CAMTA2: variants seen among roughly 807,000 people sequenced by gnomAD.
The protein encoded by CAMTA2 is calmodulin binding transcription activator 2.
In CAMTA2, 56 loss-of-function variants were observed where a neutral mutation model predicts 135.7. The ratio of observed to expected loss-of-function variants is 0.41; its 90% CI spans 0.33 to 0.52. The LOEUF (loss-of-function observed/expected upper bound fraction) is 0.52, where lower values mean the gene tolerates loss of function less well. Ranked by LOEUF, CAMTA2 falls within the 20% of genes least tolerant of loss-of-function variation. The pLI is 0.16. For missense variants in CAMTA2, 1,358 were observed against 1,553.4 expected, an observed-to-expected ratio of 0.87 and a Z score of 2.11; for synonymous variants, 591 against 604.6, an observed-to-expected ratio of 0.98 and a Z score of 0.33.
Position 4,982,150 on chromosome 17 carries a change from C to T in CAMTA2, c.350G>A (p.Gly117Asp). Residue 117 changes from glycine to aspartate, a missense_variant, in exon 6 of 23, where the codon GGC (glycine) becomes GAC (aspartate). Transcript: ENST00000348066. ...GACGATGGAAGAGTGAACGTAGCAG[C>T]CATAGAGACACTGCCAGGAGACAGG... ...LKVQGMECLY[G>D]CYVHSSIVPT... 6.2e-7 allele frequency: 1 copy of T among 1,610,854 alleles called. No individual in the cohort carries two copies. The highest frequency in any genetic ancestry group is 8.5e-7 in the Non-Finnish European group (1 of 1,178,160).
Position 4,969,726 on chromosome 17 carries a change from C to T in CAMTA2, c.3190-25G>A. The T allele has an allele frequency of 6.2e-7, 1 of 1,613,248 alleles. No homozygotes were observed. The highest frequency in any genetic ancestry group is 8.5e-7 in the Non-Finnish European group (1 of 1,179,584). The stretch of plus-strand genomic sequence containing the variant: ...CCTGAAGGGAGAGAAGTCTCACCAC[C>T]TCATGACCCACATAATGGCATATCT... On this transcript the variant is annotated intron_variant, in intron 18 of 22. Transcript: ENST00000348066. The surrounding 1 kb of genome is among the most constrained non-coding windows in gnomAD (Gnocchi z 5.6).
At chr17:4,984,974 G>A (rs1173220947) in intron 3 of CAMTA2, among the ~76,000 whole-genome samples, 3 of 149,610 alleles carry the variant, frequency 2.0e-5, no homozygotes, top group Non-Finnish European at 1.5e-5. Context: ...CCGAGATCGC[G>A]CCACTGCACT....
chr17:4,972,640 TTC>T, intron 15 of CAMTA2, 104 bp from the exon 16 acceptor site: 3 of 1,439,718 alleles, frequency 2.1e-6, no homozygotes, highest in Non-Finnish European at 2.9e-6. Context: ...CTGTTCTTGC[TTC>T]TGTTATCTCC....
At position 4,980,509 on chromosome 17, in the gene CAMTA2, C is replaced by G. The variant is rs748297403; in HGVS notation, c.813G>C (p.Glu271Asp). The change falls in exon 9 of 23, where the codon GAG becomes GAC. Residue 271 changes from glutamate to aspartate, a missense_variant. Glu to Asp is a conservative substitution (Grantham distance 45, BLOSUM62 2). This residue lies in a region of CAMTA2 where 1,077 missense variants were observed against 1,127.5 expected (regional missense o/e 0.96). Transcript: ENST00000348066. This position sits in a 1 kb window ranked among gnomAD's most constrained non-coding sequence, Gnocchi z 5.3. Reference sequence around the variant, plus strand: ...GAAGTGGGGCTATCAGTGGAGGAGGCTCTGGGGGGTGAGCGTGGGGGATAG... The same window carrying G: ...GAAGTGGGGCTATCAGTGGAGGAGGGTCTGGGGGGTGAGCGTGGGGGATAG... ...LTSIPHAHPPEPPPLIAPLPP... is the reference protein window; with the variant it reads ...LTSIPHAHPPDPPPLIAPLPP... The G allele has an allele frequency of 6.3e-7, 1 of 1,582,330 alleles. No individual in the cohort carries two copies. The highest frequency in any genetic ancestry group is 8.6e-7 in the Non-Finnish European group (1 of 1,164,490).
chr17:4,973,949 C>T (rs140241352), intron 12 of CAMTA2, 180 bp from the exon 13 acceptor site: 29 of 591,930 alleles, frequency 4.9e-5, no homozygotes, highest in African/African-American at 1.3e-4. Flanking sequence ...CCCACAGCCA[C>T]TTCCTCCAGC....
At chr17:4,971,165 A>C (rs1330263491) in intron 16 of CAMTA2, among the ~76,000 whole-genome samples, 1 of 152,158 alleles carries the variant, frequency 6.6e-6, no homozygotes, top group Non-Finnish European at 1.5e-5. Flanking sequence ...ATTCCACAAG[A>C]CTTTCTTAGC....
intron 3 of CAMTA2, among the ~76,000 whole-genome samples, chr17:4,984,012 G>A (rs954310009): frequency 3.3e-5 from 5 of 151,958 alleles, no homozygotes; most frequent in East Asian, 3.9e-4. Flanking sequence ...GTGCAGTGGC[G>A]CCATCTCGGC....
At chr17:4,987,503 T>A (rs1460980516) in intron 1 of CAMTA2, 90 bp downstream of exon 1, 2 of 1,426,864 alleles carry the variant, frequency 1.4e-6, no homozygotes, top group Non-Finnish European at 1.8e-6. Context: ...GGGACGGTGG[T>A]CCCTGGCGCG....
Position 4,977,204 on chromosome 17 carries a change from AG to A in CAMTA2, c.1766-13del. ...CCCTACCTCATGGGCTGGAGAGGGTAGGATCAGCGAGAAGGGCTCTCTTTCC... is the reference window on the plus strand; with the variant it reads ...CCCTACCTCATGGGCTGGAGAGGGTAGATCAGCGAGAAGGGCTCTCTTTCC... On this transcript the variant is annotated splice_polypyrimidine_tract_variant and intron_variant, in intron 10 of 22. Coordinates refer to ENST00000348066, the MANE Select transcript of CAMTA2 (RefSeq NM_015099.4). 2 of 1,612,010 alleles carry A rather than the reference AG, an allele frequency of 1.2e-6. No homozygotes were observed. The highest frequency in any genetic ancestry group is 2.2e-5 in the East Asian group (1 of 44,832).
At chr17:4,985,859 C>G in intron 3 of CAMTA2, 21 bp downstream of exon 3, 1 of 1,558,814 alleles carries the variant, frequency 6.4e-7, no homozygotes, top group Non-Finnish European at 8.8e-7. Flanking sequence ...TGGGCCCCAA[C>G]CCCCAGCCTC....
At chr17:4,974,772 A>G in intron 11 of CAMTA2, 1 of 331,204 alleles carries the variant, frequency 3.0e-6, no homozygotes, top group Non-Finnish European at 5.7e-6. Context: ...GGATTCCCAA[A>G]TGGTCATCCA....
In CAMTA2 at chr17:4,969,729, A is replaced by C. The variant is rs759886558; in HGVS notation, c.3190-28T>G. On this transcript the variant is annotated intron_variant, in intron 18 of 22. Coordinates refer to ENST00000348066, the MANE Select transcript of CAMTA2 (RefSeq NM_015099.4). This position sits in a 1 kb window ranked among gnomAD's most constrained non-coding sequence, Gnocchi z 5.6. ...GAAGGGAGAGAAGTCTCACCACCTCATGACCCACATAATGGCATATCTGAC... is the reference window on the plus strand; with the variant it reads ...GAAGGGAGAGAAGTCTCACCACCTCCTGACCCACATAATGGCATATCTGAC... 4.3e-6 allele frequency: 7 copies of C among 1,613,030 alleles called. No individual in the cohort carries two copies. The highest frequency in any genetic ancestry group is 5.9e-6 in the Non-Finnish European group (7 of 1,179,378).
chr17:4,979,181 T>A (rs570559065), intron 9 of CAMTA2, among the ~76,000 whole-genome samples: 1 of 152,080 alleles, frequency 6.6e-6, no homozygotes, highest in Non-Finnish European at 1.5e-5. Flanking sequence ...TGCTGAGGAC[T>A]CTGGAAACAG....
At position 4,974,402 on chromosome 17, in the gene CAMTA2, C is replaced by T. The variant is rs372893979; in HGVS notation, c.1999G>A (p.Asp667Asn). The T allele has an allele frequency of 1.7e-5, 27 of 1,612,048 alleles. No individual in the cohort carries two copies. The highest frequency in any genetic ancestry group is 2.0e-5 in the Non-Finnish European group (23 of 1,178,292). ...AGAAGTACCTGAACTGGAGGAGCAT[C>T]AGGACCCTGGCAAGGCACCTGCCCA... ...AAGQVPCQGP[D>N]APPVQDEGQG... The change falls in exon 12 of 23, where the codon GAT (aspartate) becomes AAT (asparagine). Residue 667 changes from aspartate to asparagine, a missense_variant. Asp to Asn is a conservative substitution (Grantham distance 23). Coordinates refer to ENST00000348066, the MANE Select transcript of CAMTA2 (RefSeq NM_015099.4).
chr17:4,973,250 A>G lies in CAMTA2; in HGVS notation c.2205T>C (p.Ser735=). 6.2e-7 allele frequency: 1 copy of G among 1,612,252 alleles called. No individual in the cohort carries two copies. The highest frequency in any genetic ancestry group is 8.5e-7 in the Non-Finnish European group (1 of 1,178,474). ...RLIETLSQWR[S]VETGSLDLEQ... is the part of the protein sequence containing the mutation. The stretch of plus-strand genomic sequence containing the variant: ...CTAAGTCCAAGCTTCCAGTCTCCAC[A>G]CTCCTGGAGGGTTTGGGAGAGAGAC... The change falls in exon 14 of 23, where the codon AGT becomes AGC. Residue 735 remains serine (S), a synonymous_variant. Transcript: ENST00000348066.
chr17:4,970,327 C>T lies in CAMTA2; in HGVS notation c.3005+13G>A. On this transcript the variant is annotated intron_variant, in intron 17 of 22. Coordinates refer to ENST00000348066, the MANE Select transcript of CAMTA2 (RefSeq NM_015099.4). ...CTTTGAAGAATCTGGAGGCTTTGTC[C>T]TGAGCTAGTCACCTGGGAGGGGTTG... 6.2e-7 allele frequency: 1 copy of T among 1,613,850 alleles called. No homozygotes were observed. Among genetic ancestry groups the T allele is most frequent in the South Asian group, 1.1e-5 (1 of 91,072 alleles).
At chr17:4,979,536 G>A (rs1045406980) in intron 9 of CAMTA2, 148 bp downstream of exon 9, 8 of 456,476 alleles carry the variant, frequency 1.8e-5, no homozygotes, top group Non-Finnish European at 2.7e-5. Context: ...AAAAGAGAGA[G>A]ATTAGGTAGA....
chr17:4,968,405 G>A lies in CAMTA2; in HGVS notation c.*351C>T. ...GTGGGAACCGAGGCGGATACATTCA[G>A]AGACGCGTCGAACAAATAAATAAGG... On this transcript the variant is annotated 3_prime_UTR_variant, in exon 23 of 23. Coordinates refer to ENST00000348066, the MANE Select transcript of CAMTA2 (RefSeq NM_015099.4). The A allele has an allele frequency of 2.4e-6, 1 of 423,036 alleles. No homozygotes were observed. Among genetic ancestry groups the A allele is most frequent in the Non-Finnish European group, 4.3e-6 (1 of 230,016 alleles). The allele number at this position is 423,036 out of a possible 1,614,324, so 26.2% of individuals were successfully genotyped here.
chr17:4,986,279 A>C lies in CAMTA2; in HGVS notation c.-57T>G. On this transcript the variant is annotated 5_prime_UTR_variant, in exon 2 of 23. Transcript: ENST00000348066. Reference sequence around the variant, plus strand: ...GGCCTGAGGGGCCGGGGGGAGGGGGAGTCTGTGCTGGGAAGGGAGAGAACA... The same window carrying C: ...GGCCTGAGGGGCCGGGGGGAGGGGGCGTCTGTGCTGGGAAGGGAGAGAACA... The C allele has an allele frequency of 7.0e-7, 1 of 1,423,716 alleles. No homozygotes were observed. Among genetic ancestry groups the C allele is most frequent in the Non-Finnish European group, 9.8e-7 (1 of 1,021,048 alleles). The allele number at this position is 1,423,716 out of a possible 1,614,324, so 88.2% of individuals were successfully genotyped here.
Sources: gnomAD v4.1 joint callset for allele counts (sites outside exome capture counted in the v4.1 genomes callset) on GRCh38, gnomAD v4.1.1 for gene constraint, gnomAD v4.1.1 regional missense constraint, Gnocchi (gnomAD v3.1) non-coding constraint, MANE v1.5 for transcripts, NCBI Gene and HGNC (gene_info 2026-07-23, HGNC 2026-07-21) for gene names.